The following ELMO1 variants were observed in gnomAD, a reference collection of about 807,000 sequenced individuals.
ELMO1 encodes the protein engulfment and cell motility 1.
Under a neutral mutation model 98.9 loss-of-function variants are expected in ELMO1, and 26 were observed. The observed-to-expected ratio is 0.26, with a 90% CI of 0.19 to 0.36. The LOEUF (loss-of-function observed/expected upper bound fraction) is 0.36, where lower values mean the gene tolerates loss of function less well. Ranked by LOEUF, ELMO1 falls within the 10% of genes least tolerant of loss-of-function variation. The pLI, the probability that ELMO1 is intolerant of heterozygous loss-of-function variation, is 1.00. For synonymous variants in ELMO1, 346 were observed against 346.0 expected, an observed-to-expected ratio of 1.00 and a Z score of 0.00; for missense variants, 627 against 935.2, an observed-to-expected ratio of 0.67 and a Z score of 4.30.
intron 1 of ELMO1, among the ~76,000 whole-genome samples, chr7:37,349,755 AGT>A (rs2131291215): frequency 6.6e-6 from 1 of 152,258 alleles, no homozygotes; most frequent in South Asian, 2.1e-4. Context: ...CACCTGGCCT[AGT>A]CTTCACTTTT....
intron 16 of ELMO1, among the ~76,000 whole-genome samples, chr7:36,987,147 T>C (rs1032473313): frequency 6.6e-6 from 1 of 152,116 alleles, no homozygotes; most frequent in Non-Finnish European, 1.5e-5. Context: ...TAGCACCTCA[T>C]CAAGGCGCCC....
At chr7:37,410,389 T>C (rs1803947741) in intron 1 of ELMO1, among the ~76,000 whole-genome samples, 2 of 152,132 alleles carry the variant, frequency 1.3e-5, no homozygotes, top group Non-Finnish European at 2.9e-5. Context: ...ACAGCAAGGG[T>C]TCAGTAAATG....
chr7:37,348,656 G>A (rs555010532), intron 1 of ELMO1, among the ~76,000 whole-genome samples: 4 of 152,040 alleles, frequency 2.6e-5, no homozygotes, highest in Admixed American at 1.3e-4. Flanking sequence ...AAATGTCTCC[G>A]TAGGTTGGGT....
chr7:37,391,606 G>A (rs1023605921), intron 1 of ELMO1, among the ~76,000 whole-genome samples: 1 of 152,154 alleles, frequency 6.6e-6, no homozygotes, highest in Non-Finnish European at 1.5e-5. Flanking sequence ...CACGGCCTTC[G>A]TTACTCATGG....
intron 1 of ELMO1, among the ~76,000 whole-genome samples, chr7:37,353,925 A>G (rs1801389302): frequency 6.6e-6 from 1 of 152,176 alleles, no homozygotes; most frequent in Non-Finnish European, 1.5e-5. Context: ...TTTGTTCAGA[A>G]TGTTCTCTCT....
At chr7:37,412,067 TG>T (rs1294741659) in intron 1 of ELMO1, among the ~76,000 whole-genome samples, 1 of 152,236 alleles carries the variant, frequency 6.6e-6, no homozygotes, top group Non-Finnish European at 1.5e-5. Flanking sequence ...CAAAATGTTT[TG>T]GAAGAAATTA....
chr7:37,086,919 A>T (rs901151188), intron 15 of ELMO1, among the ~76,000 whole-genome samples: 1 of 152,112 alleles, frequency 6.6e-6, no homozygotes, highest in Non-Finnish European at 1.5e-5. Flanking sequence ...CCTGTCCACT[A>T]ATGTAGAGGA....
chr7:37,402,175 C>T (rs1236736873), intron 1 of ELMO1, among the ~76,000 whole-genome samples: 1 of 152,132 alleles, frequency 6.6e-6, no homozygotes, highest in East Asian at 1.9e-4. Context: ...TGGGAAGAAG[C>T]TATTTCCCCT....
chr7:37,060,834 A>C (rs1796630414), intron 15 of ELMO1, among the ~76,000 whole-genome samples: 3 of 151,644 alleles, frequency 2.0e-5, no homozygotes, highest in East Asian at 3.9e-4. Flanking sequence ...GTCCCAAGTC[A>C]CTGGATTCTG....
intron 17 of ELMO1, 117 bp downstream of exon 17, chr7:36,894,737 T>C (rs1805848967): frequency 7.7e-7 from 1 of 1,294,268 alleles, no homozygotes; most frequent in Admixed American, 1.9e-5. Flanking sequence ...TTGGAATGTC[T>C]TCTGCTGGCC....
chr7:37,067,320 C>T (rs1307456208), intron 15 of ELMO1, among the ~76,000 whole-genome samples: 3 of 152,166 alleles, frequency 2.0e-5, no homozygotes, highest in Non-Finnish European at 4.4e-5. Flanking sequence ...AGTATCCAGT[C>T]CACACATATG....
chr7:36,867,993 AT>A (rs1803168125), intron 20 of ELMO1, among the ~76,000 whole-genome samples: 1 of 152,056 alleles, frequency 6.6e-6, no homozygotes, highest in Non-Finnish European at 1.5e-5. Flanking sequence ...TGCTGAGTGG[AT>A]TAGTCTATTA....
At position 37,096,646 on chromosome 7, in the gene ELMO1, A is replaced by G; in HGVS notation, c.1273T>C (p.Cys425Arg). ...AACTCGCCCACTTTCAAGATCTCACATAGCATCTTGGTCAGCTCTATACTA... is the reference window on the plus strand; with the variant it reads ...AACTCGCCCACTTTCAAGATCTCACGTAGCATCTTGGTCAGCTCTATACTA... ...RSSIELTKML[C>R]EILKVGELPS... Residue 425 changes from cysteine (C) to arginine (R), a missense_variant, in exon 15 of 22, where the codon TGT (cysteine) becomes CGT (arginine). This residue lies in a region of ELMO1 where 492 missense variants were observed against 715.6 expected (regional missense o/e 0.69). Coordinates refer to ENST00000310758, the MANE Select transcript of ELMO1 (RefSeq NM_014800.11). The G allele has an allele frequency of 6.2e-7, 1 of 1,614,160 alleles. No homozygotes were observed.
At chr7:37,384,183 T>A (rs915597422) in intron 1 of ELMO1, among the ~76,000 whole-genome samples, 1 of 152,184 alleles carries the variant, frequency 6.6e-6, no homozygotes, top group Non-Finnish European at 1.5e-5. Flanking sequence ...AGAGAGTCTA[T>A]TGAATTCTAT....
Position 37,183,442 on chromosome 7 carries a change from G to A in ELMO1, c.1086+27944C>T, listed in dbSNP as rs942532573. ...AGGAAGAGGCAGGGGGAGAAGAGGA[G>A]GGAACCAGAGCCCCAAAGCTTTATT... is the stretch of plus-strand genomic sequence containing the variant. On this transcript the variant is annotated intron_variant, in intron 13 of 21. Coordinates refer to ENST00000310758, the MANE Select transcript of ELMO1 (RefSeq NM_014800.11). Among the ~76,000 whole-genome samples, 12 of 152,278 alleles carry A rather than the reference G, an allele frequency of 7.9e-5. No individual in the cohort carries two copies. The East Asian group carries it at 2.3e-3, about 29-fold the overall frequency.
chr7:36,942,324 G>T (rs1402526755), intron 16 of ELMO1, among the ~76,000 whole-genome samples: 1 of 152,180 alleles, frequency 6.6e-6, no homozygotes, highest in Non-Finnish European at 1.5e-5. Flanking sequence ...ATCAGGAAGC[G>T]CAGCTGCACA....
intron 14 of ELMO1, among the ~76,000 whole-genome samples, chr7:37,105,149 AACAC>A (rs1175165646): frequency 6.6e-6 from 1 of 152,234 alleles, no homozygotes; most frequent in Non-Finnish European, 1.5e-5. Context: ...GGACGCGCAA[AACAC>A]ACAGAGCAAT....
chr7:37,052,096 C>G (rs1584569028), intron 15 of ELMO1, among the ~76,000 whole-genome samples: 1 of 152,120 alleles, frequency 6.6e-6, no homozygotes, highest in Admixed American at 6.5e-5. Context: ...TCGCTCAATC[C>G]CAGTTGCCTG....
intron 2 of ELMO1, among the ~76,000 whole-genome samples, chr7:37,326,376 G>A (rs917277628): frequency 6.6e-6 from 1 of 152,018 alleles, no homozygotes; most frequent in Admixed American, 6.5e-5. Flanking sequence ...CCCACACGGT[G>A]AAACTCCGTC....
Sources: gnomAD v4.1 joint callset for allele counts (sites outside exome capture counted in the v4.1 genomes callset) on GRCh38, gnomAD v4.1.1 for gene constraint, gnomAD v4.1.1 regional missense constraint, MANE v1.5 for transcripts, NCBI Gene and HGNC (gene_info 2026-07-23, HGNC 2026-07-21) for gene names.